GPR107: variants seen among roughly 807,000 people sequenced by gnomAD.
GPR107 encodes the protein G protein-coupled receptor 107, also known as protein GPR107.
GPR107 carries 31 observed loss-of-function variants against 75.5 expected under a neutral mutation model. The ratio of observed to expected loss-of-function variants is 0.41; its 90% CI spans 0.31 to 0.55. The LOEUF is 0.55. Ranked by LOEUF, GPR107 falls within the 20% of genes least tolerant of loss-of-function variation. The pLI, the probability that GPR107 is intolerant of heterozygous loss-of-function variation, is 0.26. For missense variants in GPR107, 572 were observed against 665.7 expected (o/e 0.86, Z 1.55); for synonymous variants, 267 against 251.3 (o/e 1.06, Z -0.59).
chr9:130,059,831 C>G (rs982882682), intron 1 of GPR107, among the ~76,000 whole-genome samples: 1 of 151,630 alleles, frequency 6.6e-6, no homozygotes, highest in Non-Finnish European at 1.5e-5. Flanking sequence ...CTCTGCCTCC[C>G]GGGTTCAAGT....
chr9:130,130,575 A>G (rs1831800052), intron 17 of GPR107, among the ~76,000 whole-genome samples: 1 of 152,214 alleles, frequency 6.6e-6, no homozygotes, highest in South Asian at 2.1e-4. Context: ...TTTTAGTTAT[A>G]GAAATGGATA....
chr9:130,104,447 A>G lies in GPR107; in HGVS notation c.1159A>G (p.Ile387Val). The stretch of plus-strand genomic sequence containing the variant: ...CCTGGCAAATGTAGCCTACATCATC[A>G]TAGAGTCCACCGAGGAGGGCACGAC... ...QVLANVAYII[I>V]ESTEEGTTEY... Residue 387 changes from isoleucine (I) to valine (V), a missense_variant, in exon 13 of 18, where the codon ATA becomes GTA. By Grantham distance (29) the Ile-to-Val change is conservative (BLOSUM62 3). Transcript: ENST00000347136. The G allele has an allele frequency of 6.2e-7, 1 of 1,613,780 alleles. No homozygotes were observed. Among genetic ancestry groups the G allele is most frequent in the South Asian group, 1.1e-5 (1 of 91,076 alleles).
At chr9:130,106,154 C>T (rs1193234297) in intron 13 of GPR107, among the ~76,000 whole-genome samples, 2 of 152,156 alleles carry the variant, frequency 1.3e-5, no homozygotes, top group African/African-American at 4.8e-5. Context: ...CCCCAACAAG[C>T]TGTCGAGGTG....
At chr9:130,133,023 G>A (rs1554899419) in intron 17 of GPR107, 2 of 152,032 alleles carry the variant, frequency 1.3e-5, no homozygotes, top group Non-Finnish European at 2.9e-5. Flanking sequence ...TGGCTTCCCC[G>A]ATTCCCCGGC....
chr9:130,064,639 C>A (rs1300005165), intron 1 of GPR107, among the ~76,000 whole-genome samples: 1 of 152,088 alleles, frequency 6.6e-6, no homozygotes, highest in Non-Finnish European at 1.5e-5. Context: ...GACTAGTGCC[C>A]CCACAAGTTC....
chr9:130,061,408 A>G (rs1296162580), intron 1 of GPR107, among the ~76,000 whole-genome samples: 2 of 152,324 alleles, frequency 1.3e-5, no homozygotes, highest in Middle Eastern at 3.4e-3. Flanking sequence ...AGGGAAGAAT[A>G]TCACAGGCAG....
intron 1 of GPR107, among the ~76,000 whole-genome samples, chr9:130,072,944 G>A (rs1830248036): frequency 6.6e-6 from 1 of 152,074 alleles, no homozygotes; most frequent in South Asian, 2.1e-4. Context: ...CTCATTATAA[G>A]CAAACAACTC....
chr9:130,123,693 T>C (rs969329252), intron 14 of GPR107, among the ~76,000 whole-genome samples: 37 of 151,292 alleles, frequency 2.4e-4, no homozygotes, highest in Admixed American at 1.1e-3. Flanking sequence ...AGGGGTTTCA[T>C]CCTGTTGCCC....
chr9:130,109,003 T>TA (rs1267685197), intron 14 of GPR107, among the ~76,000 whole-genome samples: 1 of 145,332 alleles, frequency 6.9e-6, no homozygotes, highest in East Asian at 2.0e-4. Context: ...TTTTTTTTTT[T>TA]TTTTTTTTTT....
At chr9:130,116,286 C>G (rs1451394081) in intron 14 of GPR107, among the ~76,000 whole-genome samples, 1 of 152,210 alleles carries the variant, frequency 6.6e-6, no homozygotes, top group East Asian at 1.9e-4. Context: ...CCTGGTTCTT[C>G]TGCCTACTGG....
chr9:130,078,181 T>G lies in GPR107; in HGVS notation c.386+803T>G, dbSNP rs375777290. Among the ~76,000 whole-genome samples the G allele has an allele frequency of 7.4e-5, 11 of 149,644 alleles. No individual in the cohort carries two copies. The East Asian group carries it at 1.8e-3, about 24-fold the overall frequency. ...CTCCGTCTCAAAAAAAAAAAAAAAA[T>G]GTTGAACTTTGATGAATTATCAGAC... On this transcript the variant is annotated intron_variant, in intron 4 of 17. Transcript: ENST00000347136.
chr9:130,083,640 GAT>G (rs1830543732), intron 6 of GPR107, 38 bp downstream of exon 6: 1 of 1,355,476 alleles, frequency 7.4e-7, no homozygotes, highest in South Asian at 1.5e-5. Flanking sequence ...AGCTTTTCTG[GAT>G]ATGTGTGTAC....
rs1443437104 is a variant in GPR107 at position 130,100,634 on chromosome 9, C to T, written c.945C>T (p.Asp315=). 1 of 1,609,898 alleles carries T rather than the reference C, an allele frequency of 6.2e-7. No individual in the cohort carries two copies. The highest frequency in any genetic ancestry group is 8.5e-7 in the Non-Finnish European group (1 of 1,176,098). Residue 315 remains aspartate (D), a synonymous_variant, in exon 11 of 18, where the codon GAC becomes GAT. Transcript: ENST00000347136. ...ATGCAGTTGTTTGATTTCAGATTGA[C>T]TACCACTACATCTCCTCCCAGGGCT... is the stretch of plus-strand genomic sequence containing the variant. ...KSLSLVFHAI[D]YHYISSQGFP...
At chr9:130,054,110 C>T in intron 1 of GPR107, 37 bp downstream of exon 1, 1 of 1,412,278 alleles carries the variant, frequency 7.1e-7, no homozygotes, top group Non-Finnish European at 9.2e-7. Context: ...GGGCGGAGGC[C>T]GAGGCCACTC....
In GPR107 at chr9:130,135,069, AGGTGACCAAC is replaced by A. The variant is rs1831918304; in HGVS notation, c.1610_1619del (p.Val537AlafsTer28). ...ATGGAAAGTATGAAGAAAGTCAAGA[AGGTGACCAAC>A]GGCTCCGTGGAGCCCCAGGGCGAGT... is the stretch of plus-strand genomic sequence containing the variant. On this transcript the variant is annotated frameshift_variant, in exon 18 of 18. Coordinates refer to ENST00000347136, the MANE Select transcript of GPR107 (RefSeq NM_020960.5). LOFTEE classifies it high-confidence loss of function. 6.2e-7 allele frequency: 1 copy of A among 1,611,946 alleles called. No homozygotes were observed. Among genetic ancestry groups the A allele is most frequent in the African/African-American group, 1.3e-5 (1 of 74,906 alleles).
intron 1 of GPR107, among the ~76,000 whole-genome samples, chr9:130,071,975 CTTA>C (rs1830221458): frequency 1.3e-5 from 2 of 150,130 alleles, no homozygotes; most frequent in African/African-American, 2.5e-5. Flanking sequence ...GTAATCCAGC[CTTA>C]TTATTATTAT....
chr9:130,135,166 TTATTCA>T lies in GPR107; in HGVS notation c.*48_*53del. ...GGCACTGTCCAAGGAAACTGTTAAC[TTATTCA>T]TAGTCCTATTGGACAGCAGGAGCAG... On this transcript the variant is annotated 3_prime_UTR_variant, in exon 18 of 18. Coordinates refer to ENST00000347136, the MANE Select transcript of GPR107 (RefSeq NM_020960.5). 9.7e-7 allele frequency: 1 copy of T among 1,026,626 alleles called. No individual in the cohort carries two copies. Among genetic ancestry groups the T allele is most frequent in the Non-Finnish European group, 1.5e-6 (1 of 681,920 alleles). The allele number at this position is 1,026,626 out of a possible 1,614,324, so 63.6% of individuals were successfully genotyped here.
intron 1 of GPR107, among the ~76,000 whole-genome samples, chr9:130,064,330 T>C (rs183172893): frequency 0.019 from 2,850 of 150,682 alleles, 95 homozygotes; most frequent in African/African-American, 0.066. Context: ...CCCGAGTAGC[T>C]GGGACTACAG....
At chr9:130,065,312 G>A (rs998714855) in intron 1 of GPR107, among the ~76,000 whole-genome samples, 9 of 151,830 alleles carry the variant, frequency 5.9e-5, no homozygotes, top group Admixed American at 1.3e-4. Flanking sequence ...TTAGCTGGGC[G>A]TGGATCCCCA....
Sources: allele counts gnomAD v4.1 joint callset (sites outside exome capture counted in the v4.1 genomes callset), GRCh38; gene constraint gnomAD v4.1.1; transcripts MANE v1.5; gene names NCBI Gene and HGNC (gene_info 2026-07-23, HGNC 2026-07-21).